The following STAG1 variants were observed in gnomAD, a reference collection of about 807,000 sequenced individuals.
The protein encoded by STAG1 is cohesin subunit SA-1.
Under a neutral mutation model 170.9 loss-of-function variants are expected in STAG1, and 26 were observed. The observed-to-expected ratio is 0.15, with a 90% CI of 0.11 to 0.21. The LOEUF is 0.21. Among genes scored for constraint, STAG1 ranks in the 10% least tolerant of loss-of-function variants. The pLI is 1.00. For missense variants in STAG1, 964 were observed against 1,509.5 expected, an observed-to-expected ratio of 0.64 and a Z score of 5.99; for synonymous variants, 514 against 497.7, an observed-to-expected ratio of 1.03 and a Z score of -0.44.
intron 1 of STAG1, among the ~76,000 whole-genome samples, chr3:136,726,887 A>G (rs1416960273): frequency 6.6e-6 from 1 of 152,136 alleles, no homozygotes; most frequent in Non-Finnish European, 1.5e-5. Flanking sequence ...CTCTTCCTGC[A>G]TTATGTTCCC....
intron 28 of STAG1, among the ~76,000 whole-genome samples, chr3:136,350,071 C>T (rs1340020756): frequency 2.0e-5 from 3 of 151,938 alleles, no homozygotes; most frequent in Non-Finnish European, 2.9e-5. Flanking sequence ...ACCCGGGAGG[C>T]GGAGGTTGCA....
rs1373953535 is a variant in STAG1 at position 136,389,924 on chromosome 3, C to T, written c.2277+8825G>A. Reference sequence around the variant, plus strand: ...TTGGCTCATTGCAACCTCTGCCTCCCGGGTTCCAGCGATTCTTCTGCCTCA... The same window carrying T: ...TTGGCTCATTGCAACCTCTGCCTCCTGGGTTCCAGCGATTCTTCTGCCTCA... On this transcript the variant is annotated intron_variant, in intron 22 of 33. Transcript: ENST00000383202. Among the ~76,000 whole-genome samples the T allele has an allele frequency of 4.6e-5, 7 of 151,722 alleles. No homozygotes were observed. In the South Asian group the frequency reaches 8.4e-4, roughly 18 times the overall value.
At chr3:136,625,203 AC>A (rs1283061108) in intron 2 of STAG1, among the ~76,000 whole-genome samples, 2 of 152,226 alleles carry the variant, frequency 1.3e-5, no homozygotes, top group African/African-American at 4.8e-5. Flanking sequence ...AGTCCAACTC[AC>A]AATCTACTAT....
chr3:136,359,058 TC>T (rs1936761453), intron 27 of STAG1, 89 bp downstream of exon 27: 1 of 1,053,810 alleles, frequency 9.5e-7, no homozygotes, highest in African/African-American at 1.6e-5. Flanking sequence ...TAAAATTCTA[TC>T]GTCACTTTAA....
intron 9 of STAG1, among the ~76,000 whole-genome samples, chr3:136,493,292 G>A (rs1396660728): frequency 6.6e-6 from 1 of 152,054 alleles, no homozygotes; most frequent in East Asian, 1.9e-4. Context: ...GAAGTGAGCT[G>A]TGATTGTGCA....
chr3:136,751,475 G>A (rs61790842), intron 1 of STAG1, among the ~76,000 whole-genome samples: 7,665 of 152,048 alleles, frequency 0.05, 210 homozygotes, highest in East Asian at 0.13. Flanking sequence ...GTCTCTCAGG[G>A]GACTGGCAAA....
chr3:136,670,814 A>G (rs1391407709), intron 1 of STAG1, among the ~76,000 whole-genome samples: 1 of 152,092 alleles, frequency 6.6e-6, no homozygotes, highest in Non-Finnish European at 1.5e-5. Context: ...AAGTAAAATC[A>G]TCTATATTAA....
chr3:136,690,817 G>A (rs972854009), intron 1 of STAG1, among the ~76,000 whole-genome samples: 3 of 151,830 alleles, frequency 2.0e-5, no homozygotes, highest in Non-Finnish European at 2.9e-5. Context: ...GGGAAACAAA[G>A]GTGGTTAAGG....
chr3:136,523,133 G>A (rs1934779449), intron 6 of STAG1, among the ~76,000 whole-genome samples: 1 of 152,138 alleles, frequency 6.6e-6, no homozygotes, highest in African/African-American at 2.4e-5. Flanking sequence ...AGATCCTTGA[G>A]GAATCGCCAC....
chr3:136,553,980 A>C (rs1212000473), intron 5 of STAG1, among the ~76,000 whole-genome samples: 1 of 152,230 alleles, frequency 6.6e-6, no homozygotes, highest in Non-Finnish European at 1.5e-5. Flanking sequence ...AATTAAAAAA[A>C]TACGATCCAG....
chr3:136,395,022 G>C lies in STAG1; in HGVS notation c.2277+3727C>G, dbSNP rs2087112597. Among the ~76,000 whole-genome samples, 2 of 140,002 alleles carry C rather than the reference G, an allele frequency of 1.4e-5. 1 individual carries two copies. Among genetic ancestry groups the C allele is most frequent in the South Asian group, 4.8e-4 (2 of 4,182 alleles). The allele number at this position is 140,002 out of a possible 152,430, so 91.8% of individuals were successfully genotyped here. Reference sequence around the variant, plus strand: ...AGCTACTTCAGGGGCTGAGGTGGGAGGATCACCTGAGCCCAGGAGGTTGAG... The same window carrying C: ...AGCTACTTCAGGGGCTGAGGTGGGACGATCACCTGAGCCCAGGAGGTTGAG... On this transcript the variant is annotated intron_variant, in intron 22 of 33. Coordinates refer to ENST00000383202, the MANE Select transcript of STAG1 (RefSeq NM_005862.3).
At chr3:136,589,855 C>A (rs374080306) in intron 4 of STAG1, among the ~76,000 whole-genome samples, 1 of 151,594 alleles carries the variant, frequency 6.6e-6, no homozygotes, top group African/African-American at 2.4e-5. Context: ...CGCCTGAATC[C>A]GGGAGGCGGA....
intron 5 of STAG1, among the ~76,000 whole-genome samples, chr3:136,550,002 T>C (rs1936318238): frequency 6.6e-6 from 1 of 152,178 alleles, no homozygotes; most frequent in South Asian, 2.1e-4. Flanking sequence ...GTGAATAATA[T>C]GCTGTTAAAT....
chr3:136,581,238 G>A (rs932336940), intron 4 of STAG1, among the ~76,000 whole-genome samples: 5 of 152,068 alleles, frequency 3.3e-5, no homozygotes, highest in East Asian at 1.9e-4. Flanking sequence ...GTTGAGCTCC[G>A]CTAATTTACA....
At chr3:136,419,015 T>G (rs906647694) in intron 20 of STAG1, among the ~76,000 whole-genome samples, 2 of 152,164 alleles carry the variant, frequency 1.3e-5, no homozygotes, top group Admixed American at 6.6e-5. Flanking sequence ...TAAAAGAGAT[T>G]TGTATTTTCA....
intron 14 of STAG1, among the ~76,000 whole-genome samples, chr3:136,449,386 C>T (rs910858177): frequency 2.0e-5 from 3 of 152,038 alleles, no homozygotes; most frequent in African/African-American, 7.2e-5. Flanking sequence ...CATGGTGAAA[C>T]CCTGTCTCTA....
chr3:136,438,434 AG>A (rs1188038018), intron 15 of STAG1, among the ~76,000 whole-genome samples: 3 of 151,958 alleles, frequency 2.0e-5, no homozygotes, highest in Non-Finnish European at 2.9e-5. Context: ...CATGCTGGCC[AG>A]GCTGGTCTTG....
intron 4 of STAG1, among the ~76,000 whole-genome samples, chr3:136,588,538 C>T (rs965840777): frequency 6.6e-6 from 1 of 152,094 alleles, no homozygotes; most frequent in African/African-American, 2.4e-5. Flanking sequence ...CAGGGTTTCA[C>T]CATGTTAGCT....
intron 1 of STAG1, among the ~76,000 whole-genome samples, chr3:136,716,358 G>A (rs1442616546): frequency 1.3e-5 from 2 of 151,906 alleles, no homozygotes; most frequent in African/African-American, 4.8e-5. Flanking sequence ...AGCTACTCGG[G>A]AGGCTGAGAC....
Sources: gnomAD v4.1 joint callset for allele counts (sites outside exome capture counted in the v4.1 genomes callset) on GRCh38, gnomAD v4.1.1 for gene constraint, MANE v1.5 for transcripts, NCBI Gene and HGNC (gene_info 2026-07-23, HGNC 2026-07-21) for gene names.